The following SEC16B variants were observed in gnomAD, a reference collection of about 807,000 sequenced individuals.
The protein encoded by SEC16B is SEC16 homolog B, endoplasmic reticulum export factor.
SEC16B carries 115 observed loss-of-function variants against 141.8 expected under a neutral mutation model. The observed-to-expected ratio is 0.81, with a 90% CI of 0.70 to 0.95. SEC16B has a LOEUF of 0.95. Ranked by LOEUF, SEC16B falls within the 40% of genes least tolerant of loss-of-function variation. The pLI is 0.00. For missense variants in SEC16B, 1,291 were observed against 1,312.3 expected (o/e 0.98, Z 0.25); for synonymous variants, 493 against 492.5 (o/e 1.00, Z -0.01).
intron 12 of SEC16B, chr1:177,948,333 A>C (rs1329745962): frequency 7.7e-7 from 1 of 1,301,176 alleles, no homozygotes; most frequent in Non-Finnish European, 1.0e-6. Flanking sequence ...TTATGAGTAG[A>C]AGAGGCCACA....
intron 15 of SEC16B, 21 bp downstream of exon 15, chr1:177,944,540 G>A: frequency 6.3e-7 from 1 of 1,584,306 alleles, no homozygotes; most frequent in Non-Finnish European, 8.7e-7. Context: ...GACGGTGGTG[G>A]CCTCATCTGG....
chr1:177,949,948 C>CAA (rs10700670), intron 12 of SEC16B, among the ~76,000 whole-genome samples: 61,802 of 148,570 alleles, frequency 0.42, 12,849 homozygotes, highest in Middle Eastern at 0.47. Flanking sequence ...TCTACTATTA[C>CAA]AAAAAAAAAA....
rs751510083 is a variant in SEC16B at position 177,937,482 on chromosome 1, A to C, written c.2235T>G (p.Cys745Trp). Residue 745 changes from cysteine (C) to tryptophan (W), a missense_variant, in exon 19 of 26, where the codon TGT becomes TGG. By Grantham distance (215) the Cys-to-Trp change is radical. Transcript: ENST00000308284. The stretch of plus-strand genomic sequence containing the variant: ...ACCCAGGGGCTTCAGAGTAGCCTTG[A>C]CATCCAGAAAAGTCCTGGTAGAAAG... ...ENTFYQDFSG[C>W]QGYSEAPGYR... 1 of 1,571,998 alleles carries C rather than the reference A, an allele frequency of 6.4e-7. No individual in the cohort carries two copies. The highest frequency in any genetic ancestry group is 8.6e-7 in the Non-Finnish European group (1 of 1,160,392).
chr1:177,983,437 G>C (rs958698629), intron 1 of SEC16B, among the ~76,000 whole-genome samples: 2 of 151,676 alleles, frequency 1.3e-5, no homozygotes, highest in African/African-American at 4.8e-5. Context: ...ATATCTGTTC[G>C]TCAATAAGTT....
chr1:177,954,120 CAG>C (rs1443537503), intron 11 of SEC16B, among the ~76,000 whole-genome samples, 157 bp downstream of exon 11: 1 of 152,186 alleles, frequency 6.6e-6, no homozygotes, highest in Non-Finnish European at 1.5e-5. Context: ...GTGTCTAAAA[CAG>C]AGAAATGCTA....
Position 177,964,232 on chromosome 1 carries a change from C to G in SEC16B, c.581G>C (p.Gly194Ala), listed in dbSNP as rs769412739. 1.2e-6 allele frequency: 2 copies of G among 1,613,646 alleles called. No individual in the cohort carries two copies. Among genetic ancestry groups the G allele is most frequent in the Admixed American group, 3.3e-5 (2 of 59,988 alleles). Residue 194 changes from glycine to alanine, a missense_variant, in exon 5 of 26, where the codon GGA becomes GCA. By Grantham distance (60) the Gly-to-Ala change is moderately conservative. This residue lies in a region of SEC16B where 681 missense variants were observed against 675.5 expected (regional missense o/e 1.01). Coordinates refer to ENST00000308284, the MANE Select transcript of SEC16B (RefSeq NM_033127.4). ...PCKDSPASNS[G>A]QEWPGELFPG... ...AAACAGCTCCCCCGGCCACTCCTGT[C>G]CAGAGTTGGAAGCAGGGCTGTCTTT...
intron 1 of SEC16B, among the ~76,000 whole-genome samples, chr1:177,979,929 C>T (rs190479853): frequency 6.6e-6 from 1 of 152,280 alleles, no homozygotes; most frequent in East Asian, 1.9e-4. Flanking sequence ...CCACCAGGTC[C>T]CTCCCACAAC....
intron 21 of SEC16B, 23 bp downstream of exon 21, chr1:177,933,461 G>C (rs1650604305): frequency 1.2e-6 from 2 of 1,608,314 alleles, no homozygotes; most frequent in East Asian, 2.2e-5. Flanking sequence ...GAAGGCAGGG[G>C]AGAGAAGAAC....
intron 1 of SEC16B, among the ~76,000 whole-genome samples, chr1:177,983,198 C>A (rs1271808158): frequency 6.6e-6 from 1 of 152,218 alleles, no homozygotes. Context: ...TTATCCATCC[C>A]AATGCATTCA....
chr1:177,930,268 T>C (rs967098505), intron 25 of SEC16B, among the ~76,000 whole-genome samples: 2 of 152,182 alleles, frequency 1.3e-5, no homozygotes, highest in African/African-American at 4.8e-5. Flanking sequence ...ACACCAACTG[T>C]GTCTCCCACA....
At chr1:177,953,726 C>T (rs897619118) in intron 11 of SEC16B, among the ~76,000 whole-genome samples, 5 of 152,182 alleles carry the variant, frequency 3.3e-5, no homozygotes, top group African/African-American at 1.2e-4. Context: ...AGTGTGCTGG[C>T]GTCATTTCTG....
rs759294220 is a variant in SEC16B, at chr1:177,949,902, G to A, written c.1546-1960C>T. The stretch of plus-strand genomic sequence containing the variant: ...TTGGCACATCACCTCTGGCTCCTCC[G>A]TTTTCTCATCTAAAAATAGGGGAAA... On this transcript the variant is annotated intron_variant, in intron 12 of 25. Transcript: ENST00000308284. 5.4e-5 allele frequency among the ~76,000 whole-genome samples: 8 copies of A among 149,370 alleles called. No individual in the cohort carries two copies. The East Asian group carries it at 7.9e-4, about 15-fold the overall frequency.
chr1:177,957,993 T>C, intron 10 of SEC16B, 139 bp downstream of exon 10: 1 of 479,320 alleles, frequency 2.1e-6, no homozygotes. Flanking sequence ...GTTTTCATTT[T>C]CTTTGTTCTG....
intron 4 of SEC16B, 30 bp from the exon 5 acceptor site, chr1:177,964,309 G>T (rs889285112): frequency 1.3e-6 from 2 of 1,541,860 alleles, no homozygotes; most frequent in African/African-American, 2.7e-5. Context: ...GCAGTGAGCG[G>T]GGTCCTGGGC....
intron 20 of SEC16B, among the ~76,000 whole-genome samples, chr1:177,936,041 T>G (rs1263026559): frequency 6.6e-6 from 1 of 152,250 alleles, no homozygotes; most frequent in Non-Finnish European, 1.5e-5. Context: ...AACAGAGATC[T>G]GAGAGGCCAA....
At chr1:177,941,274 T>A (rs185796223) in intron 16 of SEC16B, among the ~76,000 whole-genome samples, 4 of 152,278 alleles carry the variant, frequency 2.6e-5, no homozygotes, top group African/African-American at 9.6e-5. Flanking sequence ...CTTCAGGGTA[T>A]GGGGAGGCTC....
intron 1 of SEC16B, 114 bp from the exon 2 acceptor site, chr1:177,968,153 A>G: frequency 1.8e-6 from 1 of 563,834 alleles, no homozygotes; most frequent in Non-Finnish European, 3.0e-6. Context: ...ATCTAAAACA[A>G]ACCATATGGT....
At chr1:177,943,741 G>A (rs542081753) in intron 15 of SEC16B, among the ~76,000 whole-genome samples, 23 of 152,332 alleles carry the variant, frequency 1.5e-4, no homozygotes, top group African/African-American at 4.6e-4. Context: ...TGACGTCAAC[G>A]CCGAAAGCAG....
intron 1 of SEC16B, among the ~76,000 whole-genome samples, chr1:177,983,079 A>T (rs1654484965): frequency 6.6e-6 from 1 of 152,180 alleles, no homozygotes; most frequent in South Asian, 2.1e-4. Context: ...CCATTTCAGA[A>T]ATAAAGCACC....
Sources: allele counts gnomAD v4.1 joint callset (sites outside exome capture counted in the v4.1 genomes callset), GRCh38; gene constraint gnomAD v4.1.1; regional missense constraint gnomAD v4.1.1; transcripts MANE v1.5; gene names NCBI Gene and HGNC (gene_info 2026-07-23, HGNC 2026-07-21).